Variants in SPTAN1 observed in about 807,000 individuals in gnomAD.
SPTAN1 encodes spectrin alpha chain, non-erythrocytic 1.
A neutral mutation model predicts 331.3 loss-of-function variants in SPTAN1; 61 were observed. The observed-to-expected ratio is 0.18, with a 90% CI of 0.15 to 0.23. SPTAN1 has a LOEUF of 0.23. Among genes scored for constraint, SPTAN1 ranks in the 10% least tolerant of loss-of-function variants. SPTAN1 has a pLI of 1.00. For missense variants in SPTAN1, 2,043 were observed against 3,147.9 expected, an observed-to-expected ratio of 0.65 and a Z score of 8.40; for synonymous variants, 1,153 against 1,173.9, an observed-to-expected ratio of 0.98 and a Z score of 0.36.
rs181963662 is a variant in SPTAN1, at chr9:128,630,463, G to A, written c.6762+88G>A. 4.0e-4 allele frequency: 532 copies of A among 1,316,014 alleles called. 1 individual carries two copies. Among genetic ancestry groups the A allele is most frequent in the South Asian group, 2.9e-3 (243 of 84,728 alleles). The allele number at this position is 1,316,014 out of a possible 1,614,324, so 81.5% of individuals were successfully genotyped here. ...CCTTCCCTTCCTGGCTTAAAGTCAG[G>A]AACCAGATGTGCTATTATTGTACCC... On this transcript the variant is annotated intron_variant, in intron 52 of 56. Transcript: ENST00000372739.
At position 128,578,116 on chromosome 9, in the gene SPTAN1, A is replaced by G. The variant is rs570171059; in HGVS notation, c.1092A>G (p.Gln364=). 21 of 1,614,162 alleles carry G rather than the reference A, an allele frequency of 1.3e-5. No individual in the cohort carries two copies. The highest frequency in any genetic ancestry group is 6.7e-5 in the African/African-American group (5 of 75,050). ...HARLNDSYRL[Q]RFLADFRDLT... ...TTCCTTTGGTTTTCCCTAGGCTTCAACGCTTCCTTGCTGACTTCCGTGACC... is the reference window on the plus strand; with the variant it reads ...TTCCTTTGGTTTTCCCTAGGCTTCAGCGCTTCCTTGCTGACTTCCGTGACC... Residue 364 remains glutamine, a synonymous_variant, in exon 9 of 57, where the codon CAA becomes CAG. Transcript: ENST00000372739.
At chr9:128,604,496 G>A (rs1337607514) in intron 29 of SPTAN1, 79 bp downstream of exon 29, 2 of 1,382,276 alleles carry the variant, frequency 1.4e-6, no homozygotes, top group Non-Finnish European at 2.0e-6. Context: ...CTTGCTGACT[G>A]AGATCCTAGA....
chr9:128,588,751 T>G (rs777023504), intron 20 of SPTAN1, 58 bp from the exon 21 acceptor site: 32 of 1,609,568 alleles, frequency 2.0e-5, no homozygotes, highest in Non-Finnish European at 2.6e-5. Flanking sequence ...TGCTCTGTAC[T>G]TAGATGACTC....
Position 128,618,937 on chromosome 9 carries a change from C to G in SPTAN1, c.5667C>G (p.Ala1889=). 1 of 1,614,110 alleles carries G rather than the reference C, an allele frequency of 6.2e-7. No homozygotes were observed. Among genetic ancestry groups the G allele is most frequent in the East Asian group, 2.2e-5 (1 of 44,882 alleles). The change falls in exon 44 of 57, where the codon GCC becomes GCG. Residue 1889 remains alanine, a synonymous_variant. Transcript: ENST00000372739. Reference sequence around the variant, plus strand: ...TAGCCAATGTGGAAGAGGAAGAAGCCTGGATCAATGAGAAAATGACCCTGG... The same window carrying G: ...TAGCCAATGTGGAAGAGGAAGAAGCGTGGATCAATGAGAAAATGACCCTGG... ...QFVANVEEEE[A]WINEKMTLVA... is the part of the protein sequence containing the mutation.
chr9:128,584,440 G>A lies in SPTAN1; in HGVS notation c.2352G>A (p.Leu784=), dbSNP rs756886883. The A allele has an allele frequency of 6.2e-7, 1 of 1,614,094 alleles. No individual in the cohort carries two copies. Among genetic ancestry groups the A allele is most frequent in the Non-Finnish European group, 8.5e-7 (1 of 1,180,044 alleles). The change falls in exon 17 of 57, where the codon CTG becomes CTA. Residue 784 remains leucine (L), a synonymous_variant. Transcript: ENST00000372739. ...VARKQKLADS[L]RLQQLFRDVE... Reference sequence around the variant, plus strand: ...GGAAGCAGAAGCTGGCCGATTCTCTGCGGTTGCAGCAGCTCTTCCGGGATG... The same window carrying A: ...GGAAGCAGAAGCTGGCCGATTCTCTACGGTTGCAGCAGCTCTTCCGGGATG...
Position 128,591,595 on chromosome 9 carries a change from T to C in SPTAN1, c.3125T>C (p.Ile1042Thr). 1 of 1,614,128 alleles carries C rather than the reference T, an allele frequency of 6.2e-7. No individual in the cohort carries two copies. Among genetic ancestry groups the C allele is most frequent in the Non-Finnish European group, 8.5e-7 (1 of 1,180,010 alleles). ...RENLLEEQGS[I>T]ALRQEQIDNQ... is the part of the protein sequence containing the mutation. ...AATCTCCTGGAGGAGCAAGGCAGCATAGCACTGCGGCAGGAGCAGATTGAC... is the reference window on the plus strand; with the variant it reads ...AATCTCCTGGAGGAGCAAGGCAGCACAGCACTGCGGCAGGAGCAGATTGAC... The change falls in exon 22 of 57, where the codon ATA (isoleucine) becomes ACA (threonine). Residue 1042 changes from isoleucine to threonine, a missense_variant. Physicochemically the swap from Ile to Thr is moderately conservative, Grantham distance 89. Around this residue, in one of 12 missense-constraint regions of SPTAN1, gnomAD observed 1,038 missense variants for 1,531.5 expected, o/e 0.68. Transcript: ENST00000372739.
At position 128,632,951 on chromosome 9, in the gene SPTAN1, A is replaced by G; in HGVS notation, c.7304A>G (p.Tyr2435Cys). Residue 2435 changes from tyrosine (Y) to cysteine (C), a missense_variant, in exon 56 of 57, where the codon TAC becomes TGC. By Grantham distance (194) the Tyr-to-Cys change is radical. Around this residue, in one of 12 missense-constraint regions of SPTAN1, gnomAD observed 88 missense variants for 96.5 expected, o/e 0.91. Transcript: ENST00000372739. ...CCTTACGTGACCAAGGAGGAGCTCT[A>G]CCAGGTATGGGCCTCAGGAGGTGGG... is the stretch of plus-strand genomic sequence containing the variant. ...GKPYVTKEEL[Y>C]QNLTREQADY... 1 of 1,612,140 alleles carries G rather than the reference A, an allele frequency of 6.2e-7. No homozygotes were observed. Among genetic ancestry groups the G allele is most frequent in the Non-Finnish European group, 8.5e-7 (1 of 1,180,026 alleles).
chr9:128,555,497 AAG>A (rs374129834), intron 1 of SPTAN1: 1 of 1,008,408 alleles, frequency 9.9e-7, no homozygotes, highest in East Asian at 6.3e-5. Context: ...GATCCAAAGA[AAG>A]GGGGAAAAAA....
Position 128,585,846 on chromosome 9 carries a change from G to A in SPTAN1, c.2659G>A (p.Glu887Lys), listed in dbSNP as rs1182171302. The A allele has an allele frequency of 6.2e-7, 1 of 1,614,134 alleles. No individual in the cohort carries two copies. The highest frequency in any genetic ancestry group is 8.5e-7 in the Non-Finnish European group (1 of 1,180,012). Residue 887 changes from glutamate to lysine, a missense_variant, in exon 19 of 57, where the codon GAG (glutamate) becomes AAG (lysine). Coordinates refer to ENST00000372739, the MANE Select transcript of SPTAN1 (RefSeq NM_001130438.3). ...AGCTTCCCAGCGTCGGCAGGACCTGGAGGACTCTCTGCAGGCCCAGCAGTA... is the reference window on the plus strand; with the variant it reads ...AGCTTCCCAGCGTCGGCAGGACCTGAAGGACTCTCTGCAGGCCCAGCAGTA... ...AKASQRRQDL[E>K]DSLQAQQYFA... is the part of the protein sequence containing the mutation.
intron 44 of SPTAN1, among the ~76,000 whole-genome samples, chr9:128,620,763 T>C (rs1479793523): frequency 6.6e-6 from 1 of 152,214 alleles, no homozygotes; most frequent in East Asian, 1.9e-4. Flanking sequence ...TTTTCTGAGA[T>C]GTGTTCAAGT....
At chr9:128,621,326 C>T (rs1857823731) in intron 45 of SPTAN1, 70 bp downstream of exon 45, 9 of 1,366,804 alleles carry the variant, frequency 6.6e-6, no homozygotes, top group South Asian at 1.2e-5. Flanking sequence ...CACAGAGGTC[C>T]CCCAAAGTTC....
At chr9:128,561,160 G>T (rs971936353) in intron 1 of SPTAN1, among the ~76,000 whole-genome samples, 2 of 151,552 alleles carry the variant, frequency 1.3e-5, no homozygotes, top group African/African-American at 4.8e-5. Context: ...ACAAGGTCGA[G>T]ATCAAGATCA....
At chr9:128,583,417 T>A in intron 15 of SPTAN1, 136 bp downstream of exon 15, 1 of 920,304 alleles carries the variant, frequency 1.1e-6, no homozygotes, top group Non-Finnish European at 1.7e-6. Flanking sequence ...ATTTCCTGTG[T>A]AGGAATTACT....
intron 3 of SPTAN1, among the ~76,000 whole-genome samples, chr9:128,573,474 G>A (rs1041642144): frequency 1.3e-5 from 2 of 151,960 alleles, no homozygotes; most frequent in Non-Finnish European, 2.9e-5. Flanking sequence ...TATTTTTCCC[G>A]AGATGGATTC....
At position 128,568,878 on chromosome 9, in the gene SPTAN1, T is replaced by C; in HGVS notation, c.344T>C (p.Phe115Ser). 6.2e-7 allele frequency: 1 copy of C among 1,614,054 alleles called. No individual in the cohort carries two copies. Among genetic ancestry groups the C allele is most frequent in the Non-Finnish European group, 8.5e-7 (1 of 1,179,982 alleles). Residue 115 changes from phenylalanine (F) to serine (S), a missense_variant, in exon 3 of 57, where the codon TTT becomes TCT. Physicochemically the swap from Phe to Ser is radical, Grantham distance 155. Around this residue, in one of 12 missense-constraint regions of SPTAN1, gnomAD observed 1,038 missense variants for 1,531.5 expected, o/e 0.68. Transcript: ENST00000372739. Reference sequence around the variant, plus strand: ...AACCTGATGATCTCAGAAGGGCATTTTGCATCTGAAACCATACGGGTGAGT... The same window carrying C: ...AACCTGATGATCTCAGAAGGGCATTCTGCATCTGAAACCATACGGGTGAGT... ...TGNLMISEGH[F>S]ASETIRTRLM...
At chr9:128,573,101 A>T (rs1229980315) in intron 3 of SPTAN1, among the ~76,000 whole-genome samples, 1 of 152,194 alleles carries the variant, frequency 6.6e-6, no homozygotes, top group African/African-American at 2.4e-5. Context: ...GTTAGTGTTT[A>T]AACCGCTTTG....
At chr9:128,562,202 A>C (rs1470823689) in intron 1 of SPTAN1, among the ~76,000 whole-genome samples, 5 of 152,128 alleles carry the variant, frequency 3.3e-5, no homozygotes, top group Non-Finnish European at 7.4e-5. Flanking sequence ...TCTCAGGTTC[A>C]AGCGATTCTT....
At chr9:128,619,113 C>G (rs1589359904) in intron 44 of SPTAN1, 110 bp downstream of exon 44, 1 of 1,497,538 alleles carries the variant, frequency 6.7e-7, no homozygotes, top group Non-Finnish European at 9.1e-7. Flanking sequence ...GGAGAGCACA[C>G]AGGGCCAGCA....
In SPTAN1 at chr9:128,616,767, A is replaced by AAT. The variant is rs533653202; in HGVS notation, c.5358-871_5358-870dup. Reference sequence around the variant, plus strand: ...AAGACTCCGTCTCAAAAAAATAAAAAATAAAAATATAAAAATTAGCTGGGC... The same window carrying AAT: ...AAGACTCCGTCTCAAAAAAATAAAAAATATAAAAATATAAAAATTAGCTGGGC... On this transcript the variant is annotated intron_variant, in intron 41 of 56. Coordinates refer to ENST00000372739, the MANE Select transcript of SPTAN1 (RefSeq NM_001130438.3). Among the ~76,000 whole-genome samples the AAT allele has an allele frequency of 5.9e-5, 9 of 152,044 alleles. No individual in the cohort carries two copies. The South Asian group carries it at 1.9e-3, about 32-fold the overall frequency.
Sources: gnomAD v4.1 joint callset for allele counts (sites outside exome capture counted in the v4.1 genomes callset) on GRCh38, gnomAD v4.1.1 for gene constraint, gnomAD v4.1.1 regional missense constraint, MANE v1.5 for transcripts, NCBI Gene and HGNC (gene_info 2026-07-23, HGNC 2026-07-21) for gene names.